OR2T11: variants seen among roughly 807,000 people sequenced by gnomAD.
The protein encoded by OR2T11 is olfactory receptor 2T11.
OR2T11 carries 14 observed loss-of-function variants against 13.5 expected under a neutral mutation model. The ratio of observed to expected loss-of-function variants is 1.04; its 90% CI spans 0.69 to 1.62. OR2T11 has a LOEUF of 1.62. Among genes scored for constraint, OR2T11 ranks in the 40% most tolerant of loss-of-function variants. The probability of loss-of-function intolerance (pLI) is 0.00; values close to 1 mark genes in which losing one functional copy is unlikely to be tolerated. For synonymous variants in OR2T11, 163 were observed against 154.6 expected (o/e 1.05, Z -0.40); for missense variants, 410 against 389.7 (o/e 1.05, Z -0.44).
At chr1:248,627,368 T>C in intron 1 of OR2T11, 96 bp from the exon 2 acceptor site, 3 of 495,922 alleles carry the variant, frequency 6.0e-6, no homozygotes, top group South Asian at 5.0e-5. Flanking sequence ...ATTGCGTCTA[T>C]GGTTCATCAT....
At chr1:248,627,325 T>C in intron 1 of OR2T11, 53 bp from the exon 2 acceptor site, 2 of 542,422 alleles carry the variant, frequency 3.7e-6, no homozygotes, top group South Asian at 4.5e-5. Context: ...AAACCATGGC[T>C]GCATTTCCCT....
chr1:248,626,388 G>GA lies in OR2T11; in HGVS notation c.740dup (p.Phe248LeufsTer36). 2.5e-6 allele frequency: 4 copies of GA among 1,572,852 alleles called. 1 individual carries two copies. Among genetic ancestry groups the GA allele is most frequent in the Non-Finnish European group, 3.5e-6 (4 of 1,156,450 alleles). On this transcript the variant is annotated frameshift_variant, in exon 2 of 2. Coordinates refer to ENST00000641193, the MANE Select transcript of OR2T11 (RefSeq NM_001001964.2). LOFTEE classifies it high-confidence loss of function. ...ATGTGTAGAAGGCAGCCCCATAGAA[G>GA]ATGCTAACTACAGTCAAGTGGGAGG...
In OR2T11 at chr1:248,629,414, AAACTTATTTATT is replaced by A. The variant is rs1332343587; in HGVS notation, c.-144-2154_-144-2143del. On this transcript the variant is annotated intron_variant, in intron 1 of 1. Transcript: ENST00000641193. Reference sequence around the variant, plus strand: ...TTTCTAAAAAAGAAATGAATAAGTAAAACTTATTTATTAACAATTAAAAACCTATAATATTTC... The same window carrying A: ...TTTCTAAAAAAGAAATGAATAAGTAAAACAATTAAAAACCTATAATATTTC... Among the ~76,000 whole-genome samples, 4 of 24,774 alleles carry A rather than the reference AAACTTATTTATT, an allele frequency of 1.6e-4. 1 individual carries two copies. The Non-Finnish European group carries it at 3.2e-3, about 20-fold the overall frequency. 16.3% of individuals were successfully genotyped at this position (24,774 alleles called of 152,430 possible).
At position 248,628,312 on chromosome 1, in the gene OR2T11, G is replaced by A. The variant is rs192100509; in HGVS notation, c.-144-1040C>T. ...AAGAACCATACATGTAGTAAGAATCGCCCCCCTCTCCCCGCCAGCACCTCC... is the reference window on the plus strand; with the variant it reads ...AAGAACCATACATGTAGTAAGAATCACCCCCCTCTCCCCGCCAGCACCTCC... On this transcript the variant is annotated intron_variant, in intron 1 of 1. Transcript: ENST00000641193. Among the ~76,000 whole-genome samples, 98 of 140,374 alleles carry A rather than the reference G, an allele frequency of 7.0e-4. 21 individuals are homozygous for A. The highest frequency in any genetic ancestry group is 2.6e-3 in the African/African-American group (93 of 35,156). The allele number at this position is 140,374 out of a possible 152,430, so 92.1% of individuals were successfully genotyped here.
chr1:248,631,245 TAAAC>T (rs1346757381), intron 1 of OR2T11, among the ~76,000 whole-genome samples: 1 of 143,830 alleles, frequency 7.0e-6, no homozygotes, highest in Non-Finnish European at 1.5e-5. Context: ...ACTTAGCTTT[TAAAC>T]AAAACTGAGA....
chr1:248,629,708 G>A (rs1017132387), intron 1 of OR2T11, among the ~76,000 whole-genome samples: 2 of 140,194 alleles, frequency 1.4e-5, no homozygotes, highest in Non-Finnish European at 3.1e-5. Context: ...ATGATCTCCC[G>A]CCGACTCCAG....
chr1:248,628,477 G>A (rs1438778974), intron 1 of OR2T11, among the ~76,000 whole-genome samples: 1 of 140,730 alleles, frequency 7.1e-6, no homozygotes, highest in Non-Finnish European at 1.5e-5. Flanking sequence ...CCACTATCTA[G>A]TGTTGCCAGA....
chr1:248,631,616 C>CA (rs1270113624), intron 1 of OR2T11, among the ~76,000 whole-genome samples: 1 of 143,560 alleles, frequency 7.0e-6, no homozygotes, highest in Non-Finnish European at 1.5e-5. Context: ...TTTCTGATCA[C>CA]AAGTTGTCAA....
intron 1 of OR2T11, among the ~76,000 whole-genome samples, chr1:248,627,834 A>G (rs1660546601): frequency 7.0e-6 from 1 of 142,826 alleles, no homozygotes; most frequent in Admixed American, 6.8e-5. Context: ...TTCGATGCCT[A>G]TTATTCCACT....
In OR2T11 at chr1:248,626,716, C is replaced by A. The variant is rs185372671; in HGVS notation, c.413G>T (p.Cys138Phe). ...RYPVLMNRKKCLLLAAGAWFG... is the reference protein window; with the variant it reads ...RYPVLMNRKKFLLLAAGAWFG... ...CCAGGCACCAGCAGCCAGCAAAAGA[C>A]ACTTCTTGCGGTTCATCAGGACTGG... Residue 138 changes from cysteine to phenylalanine, a missense_variant, in exon 2 of 2, where the codon TGT becomes TTT. By Grantham distance (205) the Cys-to-Phe change is radical. Transcript: ENST00000641193. The A allele has an allele frequency of 3.0e-4, 473 of 1,573,478 alleles. 58 individuals carry two copies. In the East Asian group the frequency reaches 7.8e-3, roughly 26 times the overall value.
intron 1 of OR2T11, among the ~76,000 whole-genome samples, chr1:248,630,503 C>T (rs543376760): frequency 7.0e-6 from 1 of 143,632 alleles, no homozygotes; most frequent in Non-Finnish European, 1.5e-5. Context: ...AACTCAGGTA[C>T]CAATTAATAG....
rs1014764346 is a variant in OR2T11, at chr1:248,627,393, T to C, written c.-144-121A>G. On this transcript the variant is annotated intron_variant, in intron 1 of 1. Coordinates refer to ENST00000641193, the MANE Select transcript of OR2T11 (RefSeq NM_001001964.2). ...TGGTTCATCATGCTGCTGGAGGTTA[T>C]GGTAACTGCGTGATACAATTGCTGT... is the stretch of plus-strand genomic sequence containing the variant. 10 of 456,672 alleles carry C rather than the reference T, an allele frequency of 2.2e-5. 1 individual carries two copies. In the African/African-American group the frequency reaches 2.2e-4, roughly 10 times the overall value. 28.3% of individuals were successfully genotyped at this position (456,672 alleles called of 1,614,324 possible). A position where few individuals can be genotyped will look rare whatever the true frequency, so the allele number is the denominator to read the frequency against.
rs1156390810 is a variant in OR2T11 at position 248,625,490 on chromosome 1, ATCC to A, written c.*685_*687del. ...AACGAACCTGGTATCCTGTTAATACATCCTCAAGGAAAGTGGCAGTCATGTTCT... is the reference window on the plus strand; with the variant it reads ...AACGAACCTGGTATCCTGTTAATACATCAAGGAAAGTGGCAGTCATGTTCT... On this transcript the variant is annotated 3_prime_UTR_variant, in exon 2 of 2. Transcript: ENST00000641193. 1.4e-5 allele frequency: 2 copies of A among 143,702 alleles called. No homozygotes were observed. The highest frequency in any genetic ancestry group is 5.5e-5 in the African/African-American group (2 of 36,526). The allele number at this position is 143,702 out of a possible 1,614,324, so 8.9% of individuals were successfully genotyped here. A position where few individuals can be genotyped will look rare whatever the true frequency, so the allele number is the denominator to read the frequency against.
At chr1:248,630,218 T>TTAAAAAAAA in intron 1 of OR2T11, among the ~76,000 whole-genome samples, 1 of 142,246 alleles carries the variant, frequency 7.0e-6, no homozygotes, top group Non-Finnish European at 1.5e-5. Context: ...GGCACTTGTG[T>TTAAAAAAAA]TTATCTTCAA....
Position 248,627,551 on chromosome 1 carries a change from A to G in OR2T11, c.-144-279T>C, listed in dbSNP as rs560579259. ...GAAAAAAGGGTGATTCATTGACCAA[A>G]TGGATAAAGGGGAGTGAAGTAAATC... On this transcript the variant is annotated intron_variant, in intron 1 of 1. Transcript: ENST00000641193. Among the ~76,000 whole-genome samples, 23 of 143,634 alleles carry G rather than the reference A, an allele frequency of 1.6e-4. 1 individual carries two copies. The highest frequency in any genetic ancestry group is 2.0e-4 in the Non-Finnish European group (13 of 66,338). 94.2% of individuals were successfully genotyped at this position (143,634 alleles called of 152,430 possible). A position where few individuals can be genotyped will look rare whatever the true frequency, so the allele number is the denominator to read the frequency against.
intron 1 of OR2T11, among the ~76,000 whole-genome samples, chr1:248,630,744 A>G (rs115896422): frequency 0.013 from 1,904 of 144,126 alleles, 212 homozygotes; most frequent in Middle Eastern, 0.045. Context: ...ATATAACCAC[A>G]TGTGGGCAGA....
rs188607544 is a variant in OR2T11 at position 248,634,826 on chromosome 1, C to T, written c.-145+212G>A. 3.8e-3 allele frequency among the ~76,000 whole-genome samples: 540 copies of T among 143,402 alleles called. 99 individuals are homozygous for T. The highest frequency in any genetic ancestry group is 0.014 in the African/African-American group (521 of 36,440). 94.1% of individuals were successfully genotyped at this position (143,402 alleles called of 152,430 possible). On this transcript the variant is annotated intron_variant, in intron 1 of 1. Coordinates refer to ENST00000641193, the MANE Select transcript of OR2T11 (RefSeq NM_001001964.2). ...TGTGGATACAGAGGTCTGCGTTTTTCCTTTATGCTAAATAATTATCTAATT... is the reference window on the plus strand; with the variant it reads ...TGTGGATACAGAGGTCTGCGTTTTTTCTTTATGCTAAATAATTATCTAATT...
intron 1 of OR2T11, among the ~76,000 whole-genome samples, chr1:248,628,722 CAA>C (rs1195045857): frequency 7.0e-6 from 1 of 142,360 alleles, no homozygotes; most frequent in South Asian, 2.2e-4. Flanking sequence ...AGAGTCTAAA[CAA>C]AAAAGTTATT....
In OR2T11 at chr1:248,626,926, G is replaced by C; in HGVS notation, c.203C>G (p.Thr68Ser). ...FLLSQLSIMDTLFICTTVPKL... is the reference protein window; with the variant it reads ...FLLSQLSIMDSLFICTTVPKL... The stretch of plus-strand genomic sequence containing the variant: ...TGGGACAGTGGTACAGATGAAAAGG[G>C]TGTCCATGATGGACAGCTGACTGAG... Residue 68 changes from threonine (T) to serine (S), a missense_variant, in exon 2 of 2, where the codon ACC becomes AGC. Coordinates refer to ENST00000641193, the MANE Select transcript of OR2T11 (RefSeq NM_001001964.2). 6.4e-7 allele frequency: 1 copy of C among 1,569,600 alleles called. No homozygotes were observed. Among genetic ancestry groups the C allele is most frequent in the Non-Finnish European group, 8.7e-7 (1 of 1,153,766 alleles).
Sources: gnomAD v4.1 joint callset for allele counts (sites outside exome capture counted in the v4.1 genomes callset) on GRCh38, gnomAD v4.1.1 for gene constraint, MANE v1.5 for transcripts, NCBI Gene and HGNC (gene_info 2026-07-23, HGNC 2026-07-21) for gene names.